SLIT3: variants seen among roughly 807,000 people sequenced by gnomAD.
SLIT3 encodes the protein slit homolog 3 protein.
Under a neutral mutation model 184.0 loss-of-function variants are expected in SLIT3, and 68 were observed. The ratio of observed to expected loss-of-function variants is 0.37; its 90% CI spans 0.30 to 0.45. SLIT3 has a LOEUF of 0.45. Among genes scored for constraint, SLIT3 ranks in the 20% least tolerant of loss-of-function variants. The pLI is 1.00. For missense variants in SLIT3, 1,707 were observed against 2,026.0 expected (o/e 0.84, Z 3.02); for synonymous variants, 831 against 828.6 (o/e 1.00, Z -0.05).
chr5:168,817,303 G>A lies in SLIT3; in HGVS notation c.790C>T (p.Pro264Ser). Residue 264 changes from proline to serine, a missense_variant, in exon 8 of 36, where the codon CCA (proline) becomes TCA (serine). Pro to Ser is a moderately conservative substitution (Grantham distance 74). Coordinates refer to ENST00000519560, the MANE Select transcript of SLIT3 (RefSeq NM_003062.4). ...AGAGCAGGTAAAGCATCCTCACCTGGGCACACGTACTCCTTCTTCTGCACA... is the reference window on the plus strand; with the variant it reads ...AGAGCAGGTAAAGCATCCTCACCTGAGCACACGTACTCCTTCTTCTGCACA... ...ADVQKKEYVC[P>S]APHSEPPSCN... The A allele has an allele frequency of 1.9e-6, 3 of 1,614,048 alleles. No homozygotes were observed. Among genetic ancestry groups the A allele is most frequent in the Non-Finnish European group, 2.5e-6 (3 of 1,179,952 alleles).
chr5:168,777,329 C>T (rs183801155), intron 12 of SLIT3, among the ~76,000 whole-genome samples: 23 of 152,274 alleles, frequency 1.5e-4, no homozygotes, highest in Non-Finnish European at 2.8e-4. Context: ...AGGTTTGAAA[C>T]CCCAGTGCAG....
At chr5:168,753,603 C>T (rs186374210) in intron 17 of SLIT3, among the ~76,000 whole-genome samples, 4 of 152,210 alleles carry the variant, frequency 2.6e-5, no homozygotes, top group Admixed American at 6.5e-5. Context: ...AATCTATATA[C>T]GTGTATACAC....
chr5:168,786,902 G>A (rs1355325395), intron 11 of SLIT3, among the ~76,000 whole-genome samples: 2 of 152,156 alleles, frequency 1.3e-5, no homozygotes, highest in Non-Finnish European at 2.9e-5. Flanking sequence ...AGGAGAGTTT[G>A]GTTGTTTTTC....
chr5:168,965,923 G>A (rs116152210), intron 4 of SLIT3, among the ~76,000 whole-genome samples: 109 of 152,288 alleles, frequency 7.2e-4, no homozygotes, highest in African/African-American at 2.5e-3. Flanking sequence ...TGCTTTCTAA[G>A]CCACAAGATG....
intron 3 of SLIT3, among the ~76,000 whole-genome samples, chr5:169,233,666 T>C (rs1263058050): frequency 6.6e-6 from 1 of 152,250 alleles, no homozygotes; most frequent in Non-Finnish European, 1.5e-5. Flanking sequence ...TCTGATAGTT[T>C]ATGTGTAGAT....
At chr5:169,246,609 T>C (rs188349559) in intron 2 of SLIT3, among the ~76,000 whole-genome samples, 1 of 152,298 alleles carries the variant, frequency 6.6e-6, no homozygotes, top group East Asian at 1.9e-4. Context: ...GCCCAGGTTC[T>C]GCTATACAAT....
rs149992932 is a variant in SLIT3 at position 168,952,192 on chromosome 5, G to A, written c.414-68856C>T. Among the ~76,000 whole-genome samples, 26 of 152,292 alleles carry A rather than the reference G, an allele frequency of 1.7e-4. No individual in the cohort carries two copies. In the East Asian group the frequency reaches 2.7e-3, roughly 16 times the overall value. ...ATTTTAAAAGTGGTGTTGGAAAACC[G>A]CCTCCAATAAACTTGGGAGAAGACG... On this transcript the variant is annotated intron_variant, in intron 4 of 35. Coordinates refer to ENST00000519560, the MANE Select transcript of SLIT3 (RefSeq NM_003062.4).
chr5:168,723,940 C>G (rs757560307), intron 21 of SLIT3, among the ~76,000 whole-genome samples: 7 of 152,138 alleles, frequency 4.6e-5, no homozygotes, highest in Non-Finnish European at 1.0e-4. Context: ...ACTGGGGGCA[C>G]TTGTGCTCCC....
chr5:168,918,159 G>A (rs906813351), intron 4 of SLIT3, among the ~76,000 whole-genome samples: 6 of 152,008 alleles, frequency 3.9e-5, no homozygotes, highest in Non-Finnish European at 8.8e-5. Context: ...ATAATAAACA[G>A]CAATGCCAAA....
chr5:168,670,379 G>A (rs1761198984), intron 34 of SLIT3, among the ~76,000 whole-genome samples: 1 of 152,176 alleles, frequency 6.6e-6, no homozygotes, highest in East Asian at 1.9e-4. Context: ...CACTGGCTAT[G>A]TACCAGGAAT....
intron 4 of SLIT3, among the ~76,000 whole-genome samples, chr5:169,160,532 G>C (rs1484195056): frequency 6.6e-6 from 1 of 152,182 alleles, no homozygotes; most frequent in African/African-American, 2.4e-5. Context: ...TAAAGAGTTA[G>C]CCAAGATTCT....
chr5:169,121,186 A>G (rs1760858465), intron 4 of SLIT3, among the ~76,000 whole-genome samples: 2 of 152,182 alleles, frequency 1.3e-5, no homozygotes, highest in African/African-American at 4.8e-5. Flanking sequence ...AGGAGACATC[A>G]GGAGCTGTGG....
At chr5:168,872,150 T>C (rs948406312) in intron 5 of SLIT3, among the ~76,000 whole-genome samples, 6 of 152,192 alleles carry the variant, frequency 3.9e-5, no homozygotes, top group African/African-American at 1.4e-4. Context: ...GACTCTTATC[T>C]GAGAGTATGA....
chr5:169,210,777 A>G (rs574610652), intron 3 of SLIT3, among the ~76,000 whole-genome samples: 1 of 152,284 alleles, frequency 6.6e-6, no homozygotes, highest in South Asian at 2.1e-4. Context: ...TAGAATAGAG[A>G]CAGGGCGTGG....
chr5:169,149,654 GCA>G (rs1762048107), intron 4 of SLIT3, among the ~76,000 whole-genome samples: 2 of 152,306 alleles, frequency 1.3e-5, no homozygotes, highest in Non-Finnish European at 2.9e-5. Flanking sequence ...AAGATCAAGG[GCA>G]TGAATAACGT....
intron 1 of SLIT3, among the ~76,000 whole-genome samples, chr5:169,253,945 G>A (rs1441052829): frequency 3.9e-5 from 6 of 152,188 alleles, no homozygotes; most frequent in Non-Finnish European, 7.3e-5. Context: ...CTAAGTGCAA[G>A]TGACACAGGG....
chr5:169,245,397 G>A (rs1356340630), intron 2 of SLIT3, among the ~76,000 whole-genome samples: 1 of 152,156 alleles, frequency 6.6e-6, no homozygotes, highest in South Asian at 2.1e-4. Flanking sequence ...CTCTGTATAA[G>A]TGAGTCTGGT....
intron 6 of SLIT3, among the ~76,000 whole-genome samples, chr5:168,825,755 G>T (rs1757682285): frequency 6.6e-6 from 1 of 152,198 alleles, no homozygotes; most frequent in Admixed American, 6.5e-5. Flanking sequence ...CAACACTGAA[G>T]AATTTGTCAC....
intron 4 of SLIT3, among the ~76,000 whole-genome samples, chr5:169,175,803 G>A (rs953503622): frequency 6.6e-6 from 1 of 152,126 alleles, no homozygotes; most frequent in African/African-American, 2.4e-5. Flanking sequence ...GAAGCTCAGG[G>A]CAACAGAATC....
Sources: gnomAD v4.1 joint callset for allele counts (sites outside exome capture counted in the v4.1 genomes callset) on GRCh38, gnomAD v4.1.1 for gene constraint, MANE v1.5 for transcripts, NCBI Gene and HGNC (gene_info 2026-07-23, HGNC 2026-07-21) for gene names.